C2orf66: variants seen among roughly 807,000 people sequenced by gnomAD.
The protein encoded by C2orf66 is uncharacterized protein C2orf66.
C2orf66 carries 6 observed loss-of-function variants against 7.0 expected under a neutral mutation model. The ratio of observed to expected loss-of-function variants is 0.86; its 90% CI spans 0.47 to 1.69. The LOEUF (loss-of-function observed/expected upper bound fraction) is 1.69. Among genes scored for constraint, C2orf66 ranks in the 40% most tolerant of loss-of-function variants. C2orf66 has a pLI of 0.01. For synonymous variants in C2orf66, 38 were observed against 43.8 expected, an observed-to-expected ratio of 0.87 and a Z score of 0.52; for missense variants, 107 against 112.0, an observed-to-expected ratio of 0.96 and a Z score of 0.20.
the C2orf66 span, among the ~76,000 whole-genome samples, chr2:196,826,080 C>T: frequency 6.6e-6 from 1 of 152,142 alleles, no homozygotes; most frequent in Non-Finnish European, 1.5e-5. Context: ...AATGGAAGCA[C>T]AAACCAACAA....
At chr2:196,815,673 T>C in the C2orf66 span, among the ~76,000 whole-genome samples, 2 of 152,204 alleles carry the variant, frequency 1.3e-5, no homozygotes, top group East Asian at 1.9e-4. Context: ...AAATATGTGT[T>C]GATTGAATTA....
At chr2:196,821,928 CTTTTTTTTTTTTT>C in the C2orf66 span, among the ~76,000 whole-genome samples, 9 of 32,276 alleles carry the variant, frequency 2.8e-4, no homozygotes, top group Admixed American at 3.5e-3. Context: ...AACCAGTGAG[CTTTTTTTTTTTTT>C]TTTTTTTTTT....
At chr2:196,805,528 G>T (rs1699811162) in intron 2 of C2orf66, 120 bp from the exon 3 acceptor site, 1 of 151,664 alleles carries the variant, frequency 6.6e-6, no homozygotes, top group Non-Finnish European at 1.5e-5. Flanking sequence ...TCTCACCAGA[G>T]ATGTAAGGAA....
At chr2:196,825,365 C>A in the C2orf66 span, among the ~76,000 whole-genome samples, 1 of 151,710 alleles carries the variant, frequency 6.6e-6, no homozygotes, top group Non-Finnish European at 1.5e-5. Flanking sequence ...AATGAGATAA[C>A]ACCTCACATG....
At chr2:196,816,771 A>G in the C2orf66 span, among the ~76,000 whole-genome samples, 224 of 152,344 alleles carry the variant, frequency 1.5e-3, no homozygotes, top group East Asian at 0.019. Context: ...ATATGTTACA[A>G]CCGTTTTTAT....
At chr2:196,831,582 A>G in the C2orf66 span, among the ~76,000 whole-genome samples, 1 of 152,142 alleles carries the variant, frequency 6.6e-6, no homozygotes, top group Non-Finnish European at 1.5e-5. Flanking sequence ...CCAGGTTGTG[A>G]GAGACATGCT....
the C2orf66 span, among the ~76,000 whole-genome samples, chr2:196,820,041 G>A: frequency 3.4e-4 from 52 of 152,286 alleles, no homozygotes; most frequent in African/African-American, 1.1e-3. Context: ...GGATTTGAGG[G>A]GGTGGGGCAG....
upstream of C2orf66, among the ~76,000 whole-genome samples, chr2:196,813,109 G>C (rs187704271): frequency 4.4e-3 from 662 of 152,054 alleles, 4 homozygotes; most frequent in Non-Finnish European, 6.0e-3. Context: ...CCAAAAAAGA[G>C]CCCACATAGC....
At chr2:196,820,836 T>C in the C2orf66 span, among the ~76,000 whole-genome samples, 1 of 152,172 alleles carries the variant, frequency 6.6e-6, no homozygotes, top group Non-Finnish European at 1.5e-5. Context: ...TGGCCCAAAG[T>C]AGTATGAGAC....
At position 196,809,156 on chromosome 2, in the gene C2orf66, G is replaced by A. The variant is rs577117388; in HGVS notation, c.123+58C>T. ...TTCTGGAAAACAGAATGCTGTGTGC[G>A]TAAATCCAAAGAGGCATTAGTTCTA... On this transcript the variant is annotated intron_variant, in intron 1 of 2. Coordinates refer to ENST00000342506, the MANE Select transcript of C2orf66 (RefSeq NM_213608.3). 4.5e-3 allele frequency: 6,827 copies of A among 1,513,956 alleles called. 30 individuals are homozygous for A. Among genetic ancestry groups the A allele is most frequent in the South Asian group, 6.4e-3 (497 of 77,614 alleles). The allele number at this position is 1,513,956 out of a possible 1,614,324, so 93.8% of individuals were successfully genotyped here.
At chr2:196,809,542 T>G (rs989194044), upstream of C2orf66, 1 of 584,968 alleles carries the variant, frequency 1.7e-6, no homozygotes. Context: ...ACTGATTAGC[T>G]TAAAGTAGCC....
chr2:196,810,024 C>T (rs1398492598), upstream of C2orf66: 5 of 152,324 alleles, frequency 3.3e-5, no homozygotes, highest in Admixed American at 2.6e-4. Flanking sequence ...CTGACTTGAG[C>T]AGGGGAGTTA....
chr2:196,806,882 TC>T (rs1334588831), intron 2 of C2orf66, among the ~76,000 whole-genome samples: 3 of 151,966 alleles, frequency 2.0e-5, no homozygotes, highest in African/African-American at 7.2e-5. Context: ...GTAATGAAAT[TC>T]AAATCTTAAT....
chr2:196,808,437 G>A (rs1699839016), intron 1 of C2orf66, among the ~76,000 whole-genome samples: 1 of 152,130 alleles, frequency 6.6e-6, no homozygotes, highest in South Asian at 2.1e-4. Flanking sequence ...CTGAGGGGAG[G>A]ATCATATCCT....
In C2orf66 at chr2:196,804,773, T is replaced by C. The variant is rs1699802228; in HGVS notation, c.*655A>G. On this transcript the variant is annotated 3_prime_UTR_variant, in exon 3 of 3. Transcript: ENST00000342506. The stretch of plus-strand genomic sequence containing the variant: ...CTAGAATATTTGATGTGGCACAATG[T>C]CCACCTCTGAATACTCTGGCAAAGA... Among the ~76,000 whole-genome samples, 1 of 152,222 alleles carries C rather than the reference T, an allele frequency of 6.6e-6. No homozygotes were observed. Among genetic ancestry groups the C allele is most frequent in the African/African-American group, 2.4e-5 (1 of 41,466 alleles).
intron 2 of C2orf66, among the ~76,000 whole-genome samples, chr2:196,805,859 TAATAGTC>T (rs1699814359): frequency 1.3e-5 from 2 of 152,334 alleles, no homozygotes; most frequent in African/African-American, 4.8e-5. Context: ...TAAGTGTAAA[TAATAGTC>T]AAGAGAAAAC....
the C2orf66 span, among the ~76,000 whole-genome samples, chr2:196,828,582 T>G: frequency 6.6e-6 from 1 of 152,166 alleles, no homozygotes; most frequent in African/African-American, 2.4e-5. Context: ...ACAAATGATT[T>G]TGCAGATATA....
At chr2:196,814,830 A>G in the C2orf66 span, among the ~76,000 whole-genome samples, 2 of 152,224 alleles carry the variant, frequency 1.3e-5, no homozygotes, top group Non-Finnish European at 2.9e-5. Context: ...AATTTTTAAG[A>G]AATATTTATA....
the C2orf66 span, among the ~76,000 whole-genome samples, chr2:196,831,016 A>C: frequency 6.6e-6 from 1 of 152,184 alleles, no homozygotes; most frequent in Non-Finnish European, 1.5e-5. Context: ...CTTAGGCCAA[A>C]AGACCAAAGG....
Sources: gnomAD v4.1 joint callset for allele counts (sites outside exome capture counted in the v4.1 genomes callset) on GRCh38, gnomAD v4.1.1 for gene constraint, MANE v1.5 for transcripts, NCBI Gene and HGNC (gene_info 2026-07-23, HGNC 2026-07-21) for gene names.